The following ISL1 variants were observed in gnomAD, a reference collection of about 807,000 sequenced individuals.
ISL1 encodes the protein ISL LIM homeobox 1, also known as insulin gene enhancer protein ISL-1.
A neutral mutation model predicts 35.3 loss-of-function variants in ISL1; 4 were observed. That is an observed-to-expected ratio of 0.11 (90% CI 0.06 to 0.26). The LOEUF is 0.26. Ranked by LOEUF, ISL1 falls within the 10% of genes least tolerant of loss-of-function variation. ISL1 has a pLI of 1.00. For synonymous variants in ISL1, 186 were observed against 172.3 expected (o/e 1.08, Z -0.62); for missense variants, 340 against 472.8 (o/e 0.72, Z 2.60).
At chr5:51,390,636 C>CTTTTTGTTTTT (rs1216503548) in intron 4 of ISL1, among the ~76,000 whole-genome samples, 1 of 74,328 alleles carries the variant, frequency 1.3e-5, no homozygotes, top group Non-Finnish European at 2.8e-5. Flanking sequence ...TCTTTTCTTT[C>CTTTTTGTTTTT]TTTTTCTTTT....
rs750964201 is a variant in ISL1, at chr5:51,389,722, G to T, written c.555G>T (p.Arg185=). The stretch of plus-strand genomic sequence containing the variant: ...AGCCGGAGAAGACCACCCGCGTGCG[G>T]ACTGTGCTGAACGAGAAGCAGCTGC... ...HKQPEKTTRV[R]TVLNEKQLHT... is the part of the protein sequence containing the mutation. Residue 185 remains arginine (R), a synonymous_variant, in exon 4 of 6, where the codon CGG becomes CGT. Transcript: ENST00000230658. This position sits in a 1 kb window ranked among gnomAD's most constrained non-coding sequence, Gnocchi z 5.0. 1 of 1,614,066 alleles carries T rather than the reference G, an allele frequency of 6.2e-7. No homozygotes were observed. The highest frequency in any genetic ancestry group is 1.1e-5 in the South Asian group (1 of 91,080).
Position 51,391,508 on chromosome 5 carries a change from C to T in ISL1, c.933+67C>T, listed in dbSNP as rs763934533. Reference sequence around the variant, plus strand: ...AGGAGACTCTGGTTTAACTGTCACACATTGAAAGATTCAGTGGGGAGGGTG... The same window carrying T: ...AGGAGACTCTGGTTTAACTGTCACATATTGAAAGATTCAGTGGGGAGGGTG... On this transcript the variant is annotated intron_variant, in intron 5 of 5. Transcript: ENST00000230658. The T allele has an allele frequency of 9.5e-6, 15 of 1,571,466 alleles. No homozygotes were observed. The South Asian group carries it at 1.2e-4, about 13-fold the overall frequency.
At chr5:51,391,192 T>C in intron 4 of ISL1, 82 bp from the exon 5 acceptor site, 1 of 1,382,360 alleles carries the variant, frequency 7.2e-7, no homozygotes, top group South Asian at 1.2e-5. Flanking sequence ...TACCAGGGTA[T>C]ATTTGCTTAG....
Position 51,387,076 on chromosome 5 carries a change from A to G in ISL1, c.219-414A>G. ...GAAAGTGTTGGTGTCGGTGGCCACC[A>G]GAGTCTTTCTGGATTCCTTCCTGCC... On this transcript the variant is annotated intron_variant, in intron 2 of 5. Coordinates refer to ENST00000230658, the MANE Select transcript of ISL1 (RefSeq NM_002202.3). This position sits in a 1 kb window ranked among gnomAD's most constrained non-coding sequence, Gnocchi z 4.3. Among the ~76,000 whole-genome samples the G allele has an allele frequency of 6.7e-6, 1 of 149,866 alleles. No homozygotes were observed. Among genetic ancestry groups the G allele is most frequent in the East Asian group, 2.0e-4 (1 of 4,992 alleles).
intron 1 of ISL1, 100 bp from the exon 2 acceptor site, chr5:51,384,441 A>C: frequency 9.4e-7 from 1 of 1,068,434 alleles, no homozygotes; most frequent in Non-Finnish European, 1.4e-6. Context: ...GAAAGAAAAA[A>C]ACCTCCCAGA....
rs1747419118 is a variant in ISL1, at chr5:51,389,012, G to A, written c.479-634G>A. On this transcript the variant is annotated intron_variant, in intron 3 of 5. Transcript: ENST00000230658. The surrounding 1 kb of genome is among the most constrained non-coding windows in gnomAD (Gnocchi z 5.0). ...AAGAGCAGGGATTGGAGATATGGCAGAAATAGCGAATCTCTTCAGCCCCTT... is the reference window on the plus strand; with the variant it reads ...AAGAGCAGGGATTGGAGATATGGCAAAAATAGCGAATCTCTTCAGCCCCTT... Among the ~76,000 whole-genome samples the A allele has an allele frequency of 1.3e-5, 2 of 152,166 alleles. 1 individual carries two copies. The highest frequency in any genetic ancestry group is 4.1e-4 in the South Asian group (2 of 4,828).
Position 51,387,186 on chromosome 5 carries a change from G to A in ISL1, c.219-304G>A, listed in dbSNP as rs984722730. Among the ~76,000 whole-genome samples, 31 of 152,182 alleles carry A rather than the reference G, an allele frequency of 2.0e-4. No individual in the cohort carries two copies. Among genetic ancestry groups the A allele is most frequent in the African/African-American group, 7.5e-4 (31 of 41,522 alleles). On this transcript the variant is annotated intron_variant, in intron 2 of 5. Coordinates refer to ENST00000230658, the MANE Select transcript of ISL1 (RefSeq NM_002202.3). The surrounding 1 kb of genome is among the most constrained non-coding windows in gnomAD (Gnocchi z 4.3). ...CATCAATACATTTTCTGTGGTACAA[G>A]CTAGGTGTTTTGAGCTAAGAGTTAC...
Position 51,389,675 on chromosome 5 carries a change from C to T in ISL1, c.508C>T (p.Leu170=). 6.2e-7 allele frequency: 1 copy of T among 1,611,960 alleles called. No homozygotes were observed. Among genetic ancestry groups the T allele is most frequent in the Non-Finnish European group, 8.5e-7 (1 of 1,179,794 alleles). ...GCCCATCTCCGCCAGGCAGCCAGCC[C>T]TGCGGCCCCACGTCCACAAGCAGCC... ...AEPISARQPA[L]RPHVHKQPEK... is the part of the protein sequence containing the mutation. The change falls in exon 4 of 6, where the codon CTG becomes TTG. Residue 170 remains leucine, a synonymous_variant. Transcript: ENST00000230658. The surrounding 1 kb of genome is among the most constrained non-coding windows in gnomAD (Gnocchi z 5.0).
At chr5:51,390,670 T>G (rs1293624499) in intron 4 of ISL1, among the ~76,000 whole-genome samples, 1 of 134,096 alleles carries the variant, frequency 7.5e-6, no homozygotes, top group Non-Finnish European at 1.6e-5. Flanking sequence ...TTTTTTTTTT[T>G]TTTTTTTTTT....
rs1470114552 is a variant in ISL1, at chr5:51,389,451, TCGCCCCCACCTCTGC to T, written c.479-187_479-173del. Among the ~76,000 whole-genome samples the T allele has an allele frequency of 2.7e-5, 4 of 147,380 alleles. No individual in the cohort carries two copies. The highest frequency in any genetic ancestry group is 1.5e-5 in the Non-Finnish European group (1 of 67,058). ...GATTTTATTCTCCCTTTCACCCTCT[TCGCCCCCACCTCTGC>T]CGCCCCCTGCTTTGTGTGCTGAGGC... On this transcript the variant is annotated intron_variant, in intron 3 of 5. Coordinates refer to ENST00000230658, the MANE Select transcript of ISL1 (RefSeq NM_002202.3). The surrounding 1 kb of genome is among the most constrained non-coding windows in gnomAD (Gnocchi z 5.0).
Position 51,389,966 on chromosome 5 carries a change from G to C in ISL1, c.765+34G>C. ...CTCTGGGGCCGGGCAGGGAATGCGA[G>C]GGGGAAGGAGACGCAGCGTGCGAGG... On this transcript the variant is annotated intron_variant, in intron 4 of 5. Transcript: ENST00000230658. This position sits in a 1 kb window ranked among gnomAD's most constrained non-coding sequence, Gnocchi z 5.0. The C allele has an allele frequency of 1.9e-6, 3 of 1,608,136 alleles. No individual in the cohort carries two copies. Among genetic ancestry groups the C allele is most frequent in the Non-Finnish European group, 2.6e-6 (3 of 1,175,864 alleles).
intron 1 of ISL1, among the ~76,000 whole-genome samples, chr5:51,384,137 T>A (rs1265448271): frequency 1.8e-4 from 28 of 151,746 alleles, no homozygotes; most frequent in African/African-American, 6.0e-4. Flanking sequence ...AGAGCGCGCT[T>A]CACGGAAAAT....
In ISL1 at chr5:51,387,483, C is replaced by T. The variant is rs763997526; in HGVS notation, c.219-7C>T. On this transcript the variant is annotated splice_region_variant and splice_polypyrimidine_tract_variant and intron_variant, in intron 2 of 5. Coordinates refer to ENST00000230658, the MANE Select transcript of ISL1 (RefSeq NM_002202.3). This position sits in a 1 kb window ranked among gnomAD's most constrained non-coding sequence, Gnocchi z 4.3. Reference sequence around the variant, plus strand: ...GGGCCGCCTCCGCTCCCCCCTCCCCCGCACAGGTTGTACGGGATCAAATGC... The same window carrying T: ...GGGCCGCCTCCGCTCCCCCCTCCCCTGCACAGGTTGTACGGGATCAAATGC... 1.2e-6 allele frequency: 2 copies of T among 1,613,892 alleles called. No homozygotes were observed. The highest frequency in any genetic ancestry group is 1.7e-6 in the Non-Finnish European group (2 of 1,179,936).
intron 3 of ISL1, among the ~76,000 whole-genome samples, chr5:51,388,030 A>G (rs1005899053): frequency 2.6e-5 from 4 of 152,232 alleles, no homozygotes; most frequent in African/African-American, 9.6e-5. Context: ...ACACACGCCC[A>G]AACATTACTT....
Position 51,394,042 on chromosome 5 carries a change from T to C in ISL1, c.*432T>C. ...GGTCATTGCCTTGCCAAACAGGAGCTCCAGCAAAAGCGCAGGAAGAGAGAC... is the reference window on the plus strand; with the variant it reads ...GGTCATTGCCTTGCCAAACAGGAGCCCCAGCAAAAGCGCAGGAAGAGAGAC... On this transcript the variant is annotated 3_prime_UTR_variant, in exon 6 of 6. Coordinates refer to ENST00000230658, the MANE Select transcript of ISL1 (RefSeq NM_002202.3). 1 of 206,122 alleles carries C rather than the reference T, an allele frequency of 4.9e-6. No homozygotes were observed. Among genetic ancestry groups the C allele is most frequent in the Non-Finnish European group, 9.9e-6 (1 of 101,154 alleles). The allele number at this position is 206,122 out of a possible 1,614,324, so 12.8% of individuals were successfully genotyped here. A position where few individuals can be genotyped will look rare whatever the true frequency, so the allele number is the denominator to read the frequency against.
Position 51,391,439 on chromosome 5 carries a change from C to G in ISL1, c.931C>G (p.Leu311Val). The G allele has an allele frequency of 6.2e-7, 1 of 1,614,176 alleles. No individual in the cohort carries two copies. The highest frequency in any genetic ancestry group is 8.5e-7 in the Non-Finnish European group (1 of 1,180,026). Residue 311 changes from leucine (L) to valine (V), a missense_variant and splice_region_variant, in exon 5 of 6, where the codon CTG becomes GTG. Physicochemically the swap from Leu to Val is conservative, Grantham distance 32. Transcript: ENST00000230658. ...CATAGATCAGCCTGCTTTTCAGCAA[C>G]TGGTAAGTGTCAGCTCCCAGATGGA... Reference protein sequence around the residue: ...SDIDQPAFQQLVNFSEGGPGS... With the variant: ...SDIDQPAFQQVVNFSEGGPGS...
At chr5:51,391,495 T>TAA (rs753967905) in intron 5 of ISL1, 54 bp downstream of exon 5, 1 of 1,595,038 alleles carries the variant, frequency 6.3e-7, no homozygotes, top group Non-Finnish European at 8.6e-7. Flanking sequence ...GAGACTCTGG[T>TAA]TTAACTGTCA....
intron 4 of ISL1, among the ~76,000 whole-genome samples, chr5:51,390,642 C>CTTTTCTTTTTTTTTTTTTTTTTTTTTTT (rs1747483928): frequency 2.5e-5 from 1 of 40,204 alleles, no homozygotes; most frequent in African/African-American, 1.0e-4. Context: ...CTTTCTTTTT[C>CTTTTCTTTTTTTTTTTTTTTTTTTTTTT]TTTTTTTTTT....
In ISL1 at chr5:51,387,686, G is replaced by A. The variant is rs1396683408; in HGVS notation, c.415G>A (p.Ala139Thr). The change falls in exon 3 of 6, where the codon GCC becomes ACC. Residue 139 changes from alanine to threonine, a missense_variant. Coordinates refer to ENST00000230658, the MANE Select transcript of ISL1 (RefSeq NM_002202.3). This position sits in a 1 kb window ranked among gnomAD's most constrained non-coding sequence, Gnocchi z 4.3. ...CRADHDVVER[A>T]SLGAGDPLSP... ...AGCAGACCACGATGTGGTGGAGAGG[G>A]CCAGTCTAGGCGCTGGCGACCCGCT... 1 of 1,614,234 alleles carries A rather than the reference G, an allele frequency of 6.2e-7. No homozygotes were observed. The highest frequency in any genetic ancestry group is 1.1e-5 in the South Asian group (1 of 91,088).
Sources: allele counts gnomAD v4.1 joint callset (sites outside exome capture counted in the v4.1 genomes callset), GRCh38; gene constraint gnomAD v4.1.1; non-coding constraint Gnocchi (gnomAD v3.1); transcripts MANE v1.5; gene names NCBI Gene and HGNC (gene_info 2026-07-23, HGNC 2026-07-21).